The following NRP1 variants were observed in gnomAD, a reference collection of about 807,000 sequenced individuals.
NRP1 encodes neuropilin-1.
A neutral mutation model predicts 106.7 loss-of-function variants in NRP1; 35 were observed. That is an observed-to-expected ratio of 0.33 (90% CI 0.25 to 0.43). NRP1 has a LOEUF of 0.43. Ranked by LOEUF, NRP1 falls within the 20% of genes least tolerant of loss-of-function variation. The pLI is 1.00. For synonymous variants in NRP1, 437 were observed against 417.9 expected (o/e 1.05, Z -0.56); for missense variants, 1,024 against 1,170.4 (o/e 0.87, Z 1.83).
At chr10:33,199,390 T>TATATATATATA (rs57198890) in intron 11 of NRP1, among the ~76,000 whole-genome samples, 16 of 30,708 alleles carry the variant, frequency 5.2e-4, no homozygotes, top group African/African-American at 1.7e-3. Context: ...TATATATATA[T>TATATATATATA]TTTTTTTTTT....
At chr10:33,330,506 A>C (rs1848200588) in intron 2 of NRP1, among the ~76,000 whole-genome samples, 1 of 152,210 alleles carries the variant, frequency 6.6e-6, no homozygotes, top group Admixed American at 6.5e-5. Context: ...TACACATTTA[A>C]CTATAATCTT....
rs1255367960 is a variant in NRP1 at position 33,334,325 on chromosome 10, C to T, written c.58G>A (p.Gly20Ser). The change falls in exon 1 of 17, where the codon GGC (glycine) becomes AGC (serine). Residue 20 changes from glycine (G) to serine (S), a missense_variant. Transcript: ENST00000374867. ...TGTCACTTACCGTTGCGAAAAGCGC[C>T]GGCCGGGGCGAGGACGAGGGCGAGC... is the stretch of plus-strand genomic sequence containing the variant. ...AVLALVLAPA[G>S]AFRNDKCGDT... 2 of 1,543,368 alleles carry T rather than the reference C, an allele frequency of 1.3e-6. No individual in the cohort carries two copies. The highest frequency in any genetic ancestry group is 1.7e-6 in the Non-Finnish European group (2 of 1,146,474).
intron 11 of NRP1, among the ~76,000 whole-genome samples, chr10:33,200,209 A>G (rs573550570): frequency 6.6e-6 from 1 of 152,336 alleles, no homozygotes; most frequent in East Asian, 1.9e-4. Flanking sequence ...ATGCATTATC[A>G]GTTTTGCTAT....
At chr10:33,229,821 A>ATT (rs200494335) in intron 6 of NRP1, among the ~76,000 whole-genome samples, 3 of 150,474 alleles carry the variant, frequency 2.0e-5, no homozygotes, top group Admixed American at 2.0e-4. Context: ...AAAAAGAAAG[A>ATT]TTTTTTTTTT....
At position 33,197,899 on chromosome 10, in the gene NRP1, T is replaced by A. The variant is rs560112356; in HGVS notation, c.1865-190A>T. On this transcript the variant is annotated intron_variant, in intron 11 of 16. Coordinates refer to ENST00000374867, the MANE Select transcript of NRP1 (RefSeq NM_003873.7). ...TATCAAATTCAAATAAACCATTATT[T>A]TTTTTTTTTACCTAACGCATTTCTT... Among the ~76,000 whole-genome samples, 15 of 151,250 alleles carry A rather than the reference T, an allele frequency of 9.9e-5. No individual in the cohort carries two copies. In the Middle Eastern group the frequency reaches 0.01, roughly 103 times the overall value.
intron 1 of NRP1, among the ~76,000 whole-genome samples, chr10:33,333,022 A>G (rs927589126): frequency 6.6e-6 from 1 of 152,222 alleles, no homozygotes; most frequent in African/African-American, 2.4e-5. Flanking sequence ...GGACAGGGTT[A>G]CTATAATTTC....
intron 7 of NRP1, among the ~76,000 whole-genome samples, chr10:33,222,498 G>GAT (rs1165296378): frequency 2.0e-4 from 21 of 103,954 alleles, no homozygotes; most frequent in Admixed American, 2.0e-3. Context: ...TGTGCGTCAA[G>GAT]ATTTATTTAT....
chr10:33,205,175 C>T (rs1159461350), intron 10 of NRP1, among the ~76,000 whole-genome samples: 1 of 152,208 alleles, frequency 6.6e-6, no homozygotes, highest in Non-Finnish European at 1.5e-5. Context: ...TTAATAAGGG[C>T]CTGTTAACTG....
intron 11 of NRP1, chr10:33,201,130 G>A (rs1490979443): frequency 6.6e-6 from 1 of 152,178 alleles, no homozygotes; most frequent in Non-Finnish European, 1.5e-5. Flanking sequence ...AGTTTTGAAA[G>A]GTTGTCAGTG....
chr10:33,201,170 G>A (rs1837275393), intron 11 of NRP1: 1 of 152,152 alleles, frequency 6.6e-6, no homozygotes, highest in Non-Finnish European at 1.5e-5. Context: ...ATTTTCTGTG[G>A]TTTGTAACTC....
intron 4 of NRP1, among the ~76,000 whole-genome samples, chr10:33,256,887 T>C (rs892291225): frequency 6.6e-6 from 1 of 152,138 alleles, no homozygotes; most frequent in African/African-American, 2.4e-5. Context: ...TCGCCTCTCT[T>C]GCCCTAGGGG....
At chr10:33,193,574 C>T (rs1412152524) in intron 12 of NRP1, among the ~76,000 whole-genome samples, 1 of 152,080 alleles carries the variant, frequency 6.6e-6, no homozygotes, top group Non-Finnish European at 1.5e-5. Context: ...GCATCTGGAC[C>T]GTTGAACTTA....
intron 9 of NRP1, among the ~76,000 whole-genome samples, chr10:33,210,504 G>A (rs192803755): frequency 6.6e-6 from 1 of 152,316 alleles, no homozygotes; most frequent in Non-Finnish European, 1.5e-5. Flanking sequence ...GCAGAGCTGG[G>A]AAGAATATTA....
Position 33,295,470 on chromosome 10 carries a change from G to A in NRP1, c.249-24614C>T, listed in dbSNP as rs527555603. ...CGCCTGTAATCTCAGCATTTTGGGA[G>A]GCTGAGGTGGGAGGACTGCTTGAGT... On this transcript the variant is annotated intron_variant, in intron 2 of 16. Transcript: ENST00000374867. 2.1e-4 allele frequency among the ~76,000 whole-genome samples: 32 copies of A among 152,334 alleles called. No individual in the cohort carries two copies. The South Asian group carries it at 3.7e-3, about 18-fold the overall frequency.
chr10:33,213,379 C>T lies in NRP1; in HGVS notation c.1614+7G>A, dbSNP rs1838472841. The T allele has an allele frequency of 2.5e-6, 4 of 1,614,070 alleles. No homozygotes were observed. The highest frequency in any genetic ancestry group is 3.4e-6 in the Non-Finnish European group (4 of 1,180,030). ...GGGATGACCTCCTCCCAGTCCCCAG[C>T]CCTCACCTTCGCCTTGCGTTTGCTG... On this transcript the variant is annotated splice_region_variant and intron_variant, in intron 9 of 16. Coordinates refer to ENST00000374867, the MANE Select transcript of NRP1 (RefSeq NM_003873.7).
chr10:33,264,454 A>G (rs1339367575), intron 3 of NRP1, among the ~76,000 whole-genome samples: 1 of 152,126 alleles, frequency 6.6e-6, no homozygotes, highest in Non-Finnish European at 1.5e-5. Flanking sequence ...GTGGGCCGGT[A>G]AAGTGTGGCT....
chr10:33,228,778 C>G (rs924506088), intron 6 of NRP1, among the ~76,000 whole-genome samples: 2 of 152,094 alleles, frequency 1.3e-5, no homozygotes, highest in Non-Finnish European at 2.9e-5. Context: ...GATATAAACT[C>G]TAGGCTCTGT....
chr10:33,321,042 A>C (rs572304802), intron 2 of NRP1, among the ~76,000 whole-genome samples: 18 of 152,290 alleles, frequency 1.2e-4, no homozygotes, highest in East Asian at 5.8e-4. Flanking sequence ...GCTAGAGTGC[A>C]ATGGCCTGAT....
In NRP1 at chr10:33,229,821, A is replaced by AT. The variant is rs200494335; in HGVS notation, c.982-3533dup. Among the ~76,000 whole-genome samples the AT allele has an allele frequency of 1.1e-3, 167 of 150,580 alleles. 1 individual carries two copies. Among genetic ancestry groups the AT allele is most frequent in the African/African-American group, 3.2e-3 (132 of 41,024 alleles). ...ATGAATCACTCATTAAAAAAGAAAGATTTTTTTTTTCTCAACAGCAATGAA... is the reference window on the plus strand; with the variant it reads ...ATGAATCACTCATTAAAAAAGAAAGATTTTTTTTTTTCTCAACAGCAATGAA... On this transcript the variant is annotated intron_variant, in intron 6 of 16. Coordinates refer to ENST00000374867, the MANE Select transcript of NRP1 (RefSeq NM_003873.7).
Sources: gnomAD v4.1 joint callset for allele counts (sites outside exome capture counted in the v4.1 genomes callset) on GRCh38, gnomAD v4.1.1 for gene constraint, MANE v1.5 for transcripts, NCBI Gene and HGNC (gene_info 2026-07-23, HGNC 2026-07-21) for gene names.